Variants in GAREM1 observed in about 807,000 individuals in gnomAD.
The protein encoded by GAREM1 is GRB2 associated regulator of MAPK1 subtype 1, also known as GRB2-associated and regulator of MAPK protein 1.
A neutral mutation model predicts 71.3 loss-of-function variants in GAREM1; 26 were observed. The observed-to-expected ratio is 0.36, with a 90% CI of 0.27 to 0.51. The LOEUF is 0.51. Ranked by LOEUF, GAREM1 falls within the 20% of genes least tolerant of loss-of-function variation. The pLI is 0.95. For missense variants in GAREM1, 1,026 were observed against 1,103.1 expected (o/e 0.93, Z 0.99); for synonymous variants, 440 against 433.2 (o/e 1.02, Z -0.20).
At chr18:32,276,371 T>G (rs980295254) in intron 4 of GAREM1, among the ~76,000 whole-genome samples, 1 of 152,358 alleles carries the variant, frequency 6.6e-6, no homozygotes, top group Admixed American at 6.5e-5. Flanking sequence ...ACTTTGCTAT[T>G]TGTTCAAATA....
At chr18:32,462,712 A>G (rs1055981393) in intron 1 of GAREM1, among the ~76,000 whole-genome samples, 9 of 152,190 alleles carry the variant, frequency 5.9e-5, no homozygotes, top group Admixed American at 2.0e-4. Flanking sequence ...TGTTTCTACT[A>G]TGTTTTCTTC....
intron 3 of GAREM1, among the ~76,000 whole-genome samples, chr18:32,308,042 A>G (rs1446678086): frequency 6.6e-6 from 1 of 152,200 alleles, no homozygotes; most frequent in Non-Finnish European, 1.5e-5. Context: ...TGTTTTAATG[A>G]TTCATGCAAG....
chr18:32,345,772 G>A (rs2047689800), intron 2 of GAREM1, among the ~76,000 whole-genome samples: 4 of 152,310 alleles, frequency 2.6e-5, no homozygotes, highest in Admixed American at 2.6e-4. Flanking sequence ...TAATGGCACT[G>A]TTGAAATGGG....
chr18:32,413,311 C>T lies in GAREM1; in HGVS notation c.122-20276G>A, dbSNP rs573322268. 103 of 1,054,602 alleles carry T rather than the reference C, an allele frequency of 9.8e-5. 1 individual carries two copies. Among genetic ancestry groups the T allele is most frequent in the Middle Eastern group, 9.4e-4 (3 of 3,192 alleles). 65.3% of individuals were successfully genotyped at this position (1,054,602 alleles called of 1,614,324 possible). Reference sequence around the variant, plus strand: ...ACATTAAGTAGATTTCCAAAAATACCGCTTAGCCTTAAAAACAAAACCACA... The same window carrying T: ...ACATTAAGTAGATTTCCAAAAATACTGCTTAGCCTTAAAAACAAAACCACA... On this transcript the variant is annotated intron_variant, in intron 1 of 5. Transcript: ENST00000269209.
chr18:32,269,750 C>T (rs904638316), intron 5 of GAREM1, among the ~76,000 whole-genome samples: 1 of 152,000 alleles, frequency 6.6e-6, no homozygotes, highest in African/African-American at 2.4e-5. Context: ...AGTATCCAGA[C>T]AAAAGGAAAT....
At chr18:32,435,987 A>G (rs1436131374) in intron 1 of GAREM1, among the ~76,000 whole-genome samples, 4 of 152,214 alleles carry the variant, frequency 2.6e-5, no homozygotes, top group African/African-American at 9.6e-5. Context: ...GTCAAAGTTC[A>G]AAGTCTCTTT....
At chr18:32,434,766 G>A (rs374764436) in intron 1 of GAREM1, among the ~76,000 whole-genome samples, 11 of 152,188 alleles carry the variant, frequency 7.2e-5, no homozygotes, top group South Asian at 2.1e-4. Context: ...CTATAATACC[G>A]CTACAGTTAA....
At chr18:32,293,495 A>C (rs1302398538) in intron 3 of GAREM1, among the ~76,000 whole-genome samples, 2 of 152,224 alleles carry the variant, frequency 1.3e-5, no homozygotes, top group Non-Finnish European at 2.9e-5. Context: ...GCTGATAGCA[A>C]AAAGATGACA....
chr18:32,396,969 T>C (rs2048263645), intron 1 of GAREM1, among the ~76,000 whole-genome samples: 2 of 152,206 alleles, frequency 1.3e-5, no homozygotes, highest in South Asian at 2.1e-4. Context: ...CGGCAGAAAC[T>C]CTACAAGCCA....
chr18:32,272,027 C>T (rs997001972), intron 4 of GAREM1, among the ~76,000 whole-genome samples: 1 of 152,158 alleles, frequency 6.6e-6, no homozygotes, highest in South Asian at 2.1e-4. Flanking sequence ...ATGTTCCCAC[C>T]AAGTTTTTCA....
chr18:32,440,022 T>A (rs1023228368), intron 1 of GAREM1, among the ~76,000 whole-genome samples: 1 of 152,220 alleles, frequency 6.6e-6, no homozygotes, highest in Non-Finnish European at 1.5e-5. Context: ...TTTCTGCACA[T>A]CTGCTCCATT....
At chr18:32,369,150 T>C (rs1403503227) in intron 2 of GAREM1, among the ~76,000 whole-genome samples, 2 of 152,126 alleles carry the variant, frequency 1.3e-5, no homozygotes, top group Admixed American at 6.5e-5. Context: ...AGTGAGTGAG[T>C]GAAAGGCAAA....
chr18:32,299,554 C>T (rs865837946), intron 3 of GAREM1, among the ~76,000 whole-genome samples: 2 of 141,976 alleles, frequency 1.4e-5, no homozygotes, highest in South Asian at 4.6e-4. Context: ...TATCTAAATA[C>T]ATTCAATTTT....
chr18:32,347,146 G>C (rs550534543), intron 2 of GAREM1, among the ~76,000 whole-genome samples: 2 of 152,248 alleles, frequency 1.3e-5, no homozygotes, highest in Non-Finnish European at 2.9e-5. Flanking sequence ...TTTTAAGATA[G>C]TTAAGGATAA....
In GAREM1 at chr18:32,272,885, G is replaced by T. The variant is rs1457441212; in HGVS notation, c.1567-2502C>A. 2.6e-5 allele frequency among the ~76,000 whole-genome samples: 4 copies of T among 152,220 alleles called. No individual in the cohort carries two copies. The South Asian group carries it at 8.3e-4, about 31-fold the overall frequency. On this transcript the variant is annotated intron_variant, in intron 4 of 5. Coordinates refer to ENST00000269209, the MANE Select transcript of GAREM1 (RefSeq NM_001242409.2). The stretch of plus-strand genomic sequence containing the variant: ...TGATCCACCCTCCTTAGCCAGGCGG[G>T]TCTTCTTAAGAGGCTGAGAACCAAC...
At chr18:32,314,422 G>T (rs1381494182) in intron 2 of GAREM1, among the ~76,000 whole-genome samples, 2 of 152,144 alleles carry the variant, frequency 1.3e-5, no homozygotes, top group East Asian at 3.9e-4. Context: ...ATCCACTTGA[G>T]TCTTGTTTCC....
intron 1 of GAREM1, among the ~76,000 whole-genome samples, chr18:32,430,595 GA>G (rs999844776): frequency 6.6e-6 from 1 of 152,206 alleles, no homozygotes; most frequent in Non-Finnish European, 1.5e-5. Context: ...ACCATAGAGA[GA>G]CTGCATGGGG....
Position 32,265,638 on chromosome 18 carries a change from A to C in GAREM1, c.*2233T>G, listed in dbSNP as rs958813891. ...GCCAATCAATATAAACTTGACAAAAATACACCAAGTCCAAAACAAGCAAAA... is the reference window on the plus strand; with the variant it reads ...GCCAATCAATATAAACTTGACAAAACTACACCAAGTCCAAAACAAGCAAAA... On this transcript the variant is annotated 3_prime_UTR_variant, in exon 6 of 6. Transcript: ENST00000269209. The C allele has an allele frequency of 6.6e-6, 1 of 152,222 alleles. No individual in the cohort carries two copies. The highest frequency in any genetic ancestry group is 1.5e-5 in the Non-Finnish European group (1 of 68,044). 9.4% of individuals were successfully genotyped at this position (152,222 alleles called of 1,614,324 possible). A position where few individuals can be genotyped will look rare whatever the true frequency, so the allele number is the denominator to read the frequency against.
chr18:32,353,858 G>A (rs1192030335), intron 2 of GAREM1, among the ~76,000 whole-genome samples: 1 of 152,142 alleles, frequency 6.6e-6, no homozygotes, highest in Non-Finnish European at 1.5e-5. Context: ...AGAAGAGAAG[G>A]AAGGGAAAGG....
Sources: allele counts gnomAD v4.1 joint callset (sites outside exome capture counted in the v4.1 genomes callset), GRCh38; gene constraint gnomAD v4.1.1; transcripts MANE v1.5; gene names NCBI Gene and HGNC (gene_info 2026-07-23, HGNC 2026-07-21).